Variants in PBX3 observed in about 807,000 individuals in gnomAD.
PBX3 encodes pre-B-cell leukemia transcription factor 3.
A neutral mutation model predicts 48.5 loss-of-function variants in PBX3; 14 were observed. The observed-to-expected ratio is 0.29, with a 90% CI of 0.19 to 0.45. PBX3 has a LOEUF of 0.45. PBX3 is among the 20% of genes least tolerant of loss of function. The pLI is 1.00. For missense variants in PBX3, 386 were observed against 546.7 expected (o/e 0.71, Z 2.93); for synonymous variants, 210 against 200.3 (o/e 1.05, Z -0.41).
intron 2 of PBX3, 72 bp downstream of exon 2, chr9:125,748,695 C>T: frequency 1.8e-6 from 2 of 1,091,040 alleles, no homozygotes; most frequent in Admixed American, 1.9e-5. Context: ...TTCGACTCTC[C>T]AGTTGAGAGC....
intron 3 of PBX3, among the ~76,000 whole-genome samples, chr9:125,917,667 A>C (rs1841364773): frequency 6.6e-6 from 1 of 152,118 alleles, no homozygotes; most frequent in South Asian, 2.1e-4. Flanking sequence ...TGCCTTTTCT[A>C]ATATTCTGGA....
chr9:125,883,270 A>G (rs1840423003), intron 2 of PBX3, among the ~76,000 whole-genome samples: 1 of 152,262 alleles, frequency 6.6e-6, no homozygotes, highest in Non-Finnish European at 1.5e-5. Flanking sequence ...TCATCAGCTC[A>G]GAGTCTATCA....
At chr9:125,748,673 C>G (rs1332058413) in intron 2 of PBX3, 50 bp downstream of exon 2, 2 of 1,422,796 alleles carry the variant, frequency 1.4e-6, no homozygotes, top group Admixed American at 1.7e-5. Context: ...AGGTGGGGGT[C>G]GGAGCTACTC....
rs531983103 is a variant in PBX3 at position 125,915,136 on chromosome 9, T to C, written c.275-550T>C. Among the ~76,000 whole-genome samples the C allele has an allele frequency of 2.6e-5, 4 of 152,296 alleles. No homozygotes were observed. The South Asian group carries it at 8.3e-4, about 32-fold the overall frequency. On this transcript the variant is annotated intron_variant, in intron 2 of 8. Transcript: ENST00000373489. ...ATAGCCAGTTACCTCATAATGTGTG[T>C]ATTCCTCTTCTGAAATCACACGATG...
intron 2 of PBX3, among the ~76,000 whole-genome samples, chr9:125,805,022 G>A (rs541765000): frequency 2.7e-5 from 4 of 148,962 alleles, no homozygotes; most frequent in Admixed American, 2.0e-4. Context: ...TTTATATTTT[G>A]TTGGGGGAAC....
At chr9:125,893,182 T>C (rs1840691209) in intron 2 of PBX3, among the ~76,000 whole-genome samples, 1 of 152,238 alleles carries the variant, frequency 6.6e-6, no homozygotes, top group African/African-American at 2.4e-5. Context: ...ATAATTAATA[T>C]CAGTCTATAC....
At chr9:125,796,559 A>G (rs1472897477) in intron 2 of PBX3, among the ~76,000 whole-genome samples, 1 of 152,158 alleles carries the variant, frequency 6.6e-6, no homozygotes, top group African/African-American at 2.4e-5. Flanking sequence ...GGCGAGGAAA[A>G]GAGATATATT....
intron 2 of PBX3, among the ~76,000 whole-genome samples, chr9:125,787,748 G>T (rs1837495486): frequency 6.6e-6 from 1 of 152,202 alleles, no homozygotes; most frequent in African/African-American, 2.4e-5. Flanking sequence ...TAATTAAATT[G>T]AGGAATAAAT....
intron 2 of PBX3, among the ~76,000 whole-genome samples, chr9:125,771,036 A>G (rs949180152): frequency 6.6e-6 from 1 of 152,180 alleles, no homozygotes; most frequent in African/African-American, 2.4e-5. Context: ...GCCTTTTCTC[A>G]TTAGTCTCTG....
At chr9:125,819,070 A>G (rs1478941034) in intron 2 of PBX3, among the ~76,000 whole-genome samples, 1 of 151,460 alleles carries the variant, frequency 6.6e-6, no homozygotes, top group Non-Finnish European at 1.5e-5. Flanking sequence ...TCCTGGCTTC[A>G]AGTGATCCAC....
chr9:125,757,386 T>G (rs1410819033), intron 2 of PBX3, among the ~76,000 whole-genome samples: 3 of 152,170 alleles, frequency 2.0e-5, no homozygotes, highest in Non-Finnish European at 4.4e-5. Context: ...ATATTTATTA[T>G]GAAAGCAAGA....
At chr9:125,769,754 C>T (rs1200020434) in intron 2 of PBX3, among the ~76,000 whole-genome samples, 1 of 152,140 alleles carries the variant, frequency 6.6e-6, no homozygotes, top group African/African-American at 2.4e-5. Flanking sequence ...GTTTTCCATA[C>T]AGAACTAGTG....
chr9:125,816,957 T>C (rs1031464796), intron 2 of PBX3, among the ~76,000 whole-genome samples: 6 of 152,210 alleles, frequency 3.9e-5, no homozygotes, highest in African/African-American at 1.4e-4. Flanking sequence ...CCAGAGTTCT[T>C]ATATGGTTTC....
chr9:125,889,232 A>G (rs1187784761), intron 2 of PBX3, among the ~76,000 whole-genome samples: 3 of 152,214 alleles, frequency 2.0e-5, no homozygotes, highest in Non-Finnish European at 4.4e-5. Context: ...TGACCCGTGG[A>G]GAGCTGTCTC....
intron 2 of PBX3, among the ~76,000 whole-genome samples, chr9:125,803,869 G>A (rs990902376): frequency 1.3e-5 from 2 of 152,176 alleles, no homozygotes; most frequent in African/African-American, 2.4e-5. Context: ...CTCTCTGTTT[G>A]AATTACCAGA....
chr9:125,959,838 T>C (rs572879312), intron 5 of PBX3, among the ~76,000 whole-genome samples: 21 of 152,360 alleles, frequency 1.4e-4, no homozygotes, highest in Non-Finnish European at 2.4e-4. Context: ...TTCTTATAAA[T>C]TGCCATGTGG....
rs1416705 is a variant in PBX3 at position 125,788,499 on chromosome 9, A to T, written c.274+39876A>T. On this transcript the variant is annotated intron_variant, in intron 2 of 8. Transcript: ENST00000373489. Reference sequence around the variant, plus strand: ...AATTTGTTAATACAAAAGATTTCAGACAATATAAAAGCATAGATAAAATAC... The same window carrying T: ...AATTTGTTAATACAAAAGATTTCAGTCAATATAAAAGCATAGATAAAATAC... Among the ~76,000 whole-genome samples, 515 of 152,324 alleles carry T rather than the reference A, an allele frequency of 3.4e-3. 3 individuals are homozygous for T. Among genetic ancestry groups the T allele is most frequent in the Non-Finnish European group, 5.4e-3 (370 of 68,036 alleles).
chr9:125,823,605 CTG>C (rs1838720112), intron 2 of PBX3, among the ~76,000 whole-genome samples: 1 of 151,308 alleles, frequency 6.6e-6, no homozygotes, highest in Non-Finnish European at 1.5e-5. Context: ...AATGAAATTT[CTG>C]TGTTAGCTAC....
intron 2 of PBX3, among the ~76,000 whole-genome samples, chr9:125,862,268 C>G (rs1356666332): frequency 1.3e-5 from 2 of 152,182 alleles, no homozygotes; most frequent in African/African-American, 4.8e-5. Flanking sequence ...TGCTTGAAAA[C>G]CTTCTTGTGA....
Sources: gnomAD v4.1 joint callset for allele counts (sites outside exome capture counted in the v4.1 genomes callset) on GRCh38, gnomAD v4.1.1 for gene constraint, MANE v1.5 for transcripts, NCBI Gene and HGNC (gene_info 2026-07-23, HGNC 2026-07-21) for gene names.